The following RPS6KC1 variants were observed in gnomAD, a reference collection of about 807,000 sequenced individuals.
RPS6KC1 encodes the protein inactive ribosomal protein S6 kinase delta-1.
In RPS6KC1, 54 loss-of-function variants were observed where a neutral mutation model predicts 103.8. That is an observed-to-expected ratio of 0.52 (90% CI 0.42 to 0.65). The LOEUF (loss-of-function observed/expected upper bound fraction) is 0.65. Among genes scored for constraint, RPS6KC1 ranks in the 30% least tolerant of loss-of-function variants. RPS6KC1 has a pLI of 0.00. For missense variants in RPS6KC1, 1,151 were observed against 1,253.8 expected, an observed-to-expected ratio of 0.92 and a Z score of 1.24; for synonymous variants, 439 against 438.7, an observed-to-expected ratio of 1.00 and a Z score of -0.01.
intron 14 of RPS6KC1, among the ~76,000 whole-genome samples, chr1:213,263,881 T>G (rs189347346): frequency 6.6e-6 from 1 of 152,014 alleles, no homozygotes; most frequent in East Asian, 1.9e-4. Context: ...TTAGGGGAAG[T>G]TTTTGTGGAA....
the RPS6KC1 span, among the ~76,000 whole-genome samples, chr1:213,782,207 C>A: frequency 6.6e-6 from 1 of 152,106 alleles, no homozygotes; most frequent in Non-Finnish European, 1.5e-5. Context: ...CAACACACAG[C>A]CCCTGAAGGG....
the RPS6KC1 span, among the ~76,000 whole-genome samples, chr1:213,280,009 G>A: frequency 9.2e-4 from 140 of 152,240 alleles, 1 homozygote; most frequent in Admixed American, 1.9e-3. Context: ...TCAGGTTATC[G>A]CCTCTGCCTT....
At chr1:213,487,004 T>C in the RPS6KC1 span, among the ~76,000 whole-genome samples, 1 of 152,200 alleles carries the variant, frequency 6.6e-6, no homozygotes, top group East Asian at 1.9e-4. Context: ...CAATCAGTCC[T>C]GAAATTTGCA....
chr1:213,158,518 A>G (rs943035166), intron 6 of RPS6KC1, among the ~76,000 whole-genome samples: 1 of 152,250 alleles, frequency 6.6e-6, no homozygotes, highest in African/African-American at 2.4e-5. Context: ...ACAGATACCC[A>G]TAACATATCA....
At chr1:213,219,518 C>T (rs2148760631) in intron 8 of RPS6KC1, among the ~76,000 whole-genome samples, 1 of 152,194 alleles carries the variant, frequency 6.6e-6, no homozygotes, top group South Asian at 2.1e-4. Flanking sequence ...GGTATATACC[C>T]AAAGGATTAT....
At chr1:213,560,749 C>A in the RPS6KC1 span, among the ~76,000 whole-genome samples, 1 of 152,232 alleles carries the variant, frequency 6.6e-6, no homozygotes, top group South Asian at 2.1e-4. Flanking sequence ...TAACTCCCCC[C>A]CACCAAATCT....
chr1:213,168,281 A>T (rs886304744), intron 7 of RPS6KC1, among the ~76,000 whole-genome samples: 1 of 152,172 alleles, frequency 6.6e-6, no homozygotes, highest in African/African-American at 2.4e-5. Context: ...TTAAAGTTAG[A>T]TTGTGATTCT....
the RPS6KC1 span, among the ~76,000 whole-genome samples, chr1:213,669,842 C>G: frequency 6.6e-6 from 1 of 152,112 alleles, no homozygotes; most frequent in African/African-American, 2.4e-5. Context: ...CTTCTAACTC[C>G]CAAGTGCAGT....
chr1:213,148,348 T>A (rs898208526), intron 6 of RPS6KC1, among the ~76,000 whole-genome samples: 2 of 152,204 alleles, frequency 1.3e-5, no homozygotes, highest in Admixed American at 6.5e-5. Flanking sequence ...TGAGGTGTGT[T>A]CCTTATATAT....
chr1:213,425,070 A>G, the RPS6KC1 span, among the ~76,000 whole-genome samples: 1 of 152,104 alleles, frequency 6.6e-6, no homozygotes, highest in Non-Finnish European at 1.5e-5. Context: ...GCAGGGAAGC[A>G]AGACCCCTCA....
chr1:213,447,288 A>C, the RPS6KC1 span, among the ~76,000 whole-genome samples: 1 of 151,980 alleles, frequency 6.6e-6, no homozygotes, highest in Non-Finnish European at 1.5e-5. Context: ...GGCTGGTCTC[A>C]AACTTCTGGC....
the RPS6KC1 span, among the ~76,000 whole-genome samples, chr1:213,413,355 C>A: frequency 1.8e-4 from 27 of 152,168 alleles, no homozygotes; most frequent in Admixed American, 7.2e-4. Context: ...TGAGGCACAA[C>A]AACTACCCTA....
the RPS6KC1 span, among the ~76,000 whole-genome samples, chr1:213,488,522 A>C: frequency 3.3e-5 from 5 of 152,298 alleles, no homozygotes; most frequent in Admixed American, 6.5e-5. Context: ...CATGCCCAGC[A>C]GATTTTGGCA....
the RPS6KC1 span, among the ~76,000 whole-genome samples, chr1:213,796,891 C>G: frequency 6.6e-6 from 1 of 152,188 alleles, no homozygotes; most frequent in Non-Finnish European, 1.5e-5. Flanking sequence ...AAACGTCTCC[C>G]TCCTGGTGCT....
chr1:213,196,923 G>A (rs183063989), intron 8 of RPS6KC1, among the ~76,000 whole-genome samples: 1 of 152,160 alleles, frequency 6.6e-6, no homozygotes, highest in African/African-American at 2.4e-5. Flanking sequence ...TGCAACCTCC[G>A]CCTCCTGGGT....
chr1:213,390,393 G>A, the RPS6KC1 span, among the ~76,000 whole-genome samples: 1 of 152,300 alleles, frequency 6.6e-6, no homozygotes, highest in African/African-American at 2.4e-5. Flanking sequence ...CTGCTGCAGA[G>A]AAATGGCAAA....
At chr1:213,512,611 T>A in the RPS6KC1 span, among the ~76,000 whole-genome samples, 1 of 152,216 alleles carries the variant, frequency 6.6e-6, no homozygotes, top group Non-Finnish European at 1.5e-5. Flanking sequence ...GTGCTGTGAT[T>A]CCATGCTTTG....
chr1:213,095,040 A>G (rs1490004653), intron 3 of RPS6KC1, among the ~76,000 whole-genome samples: 2 of 152,148 alleles, frequency 1.3e-5, no homozygotes, highest in African/African-American at 4.8e-5. Context: ...ACAGCATCCA[A>G]TCCAGGGCAG....
chr1:213,545,437 G>A, the RPS6KC1 span, among the ~76,000 whole-genome samples: 123 of 61,874 alleles, frequency 2.0e-3, no homozygotes, highest in South Asian at 0.015. Context: ...AAATAAAAGA[G>A]AGAGAGAGAG....
Sources: allele counts gnomAD v4.1 joint callset (sites outside exome capture counted in the v4.1 genomes callset), GRCh38; gene constraint gnomAD v4.1.1; transcripts MANE v1.5; gene names NCBI Gene and HGNC (gene_info 2026-07-23, HGNC 2026-07-21).